USH2A: variants seen among roughly 807,000 people sequenced by gnomAD.
USH2A encodes Usher syndrome 2A (autosomal recessive, mild).
USH2A carries 443 observed loss-of-function variants against 538.9 expected under a neutral mutation model. The ratio of observed to expected loss-of-function variants is 0.82; its 90% CI spans 0.76 to 0.89. The LOEUF (loss-of-function observed/expected upper bound fraction) is 0.89, where lower values mean the gene tolerates loss of function less well. Among genes scored for constraint, USH2A ranks in the 40% least tolerant of loss-of-function variants. USH2A has a pLI of 0.00. For synonymous variants in USH2A, 2,413 were observed against 2,273.5 expected (o/e 1.06, Z -1.75); for missense variants, 6,633 against 6,324.8 (o/e 1.05, Z -1.65).
At chr1:215,782,637 TGG>T in intron 53 of USH2A, 99 bp downstream of exon 53, 1 of 1,210,152 alleles carries the variant, frequency 8.3e-7, no homozygotes, top group African/African-American at 1.5e-5. Flanking sequence ...ACTTTTCTAG[TGG>T]TTAGATGCAT....
At chr1:216,128,445 C>T (rs1270207946) in intron 21 of USH2A, among the ~76,000 whole-genome samples, 1 of 152,038 alleles carries the variant, frequency 6.6e-6, no homozygotes, top group African/African-American at 2.4e-5. Context: ...TGAGATTAAG[C>T]TTTCAAATTA....
chr1:215,674,948 T>C lies in USH2A; in HGVS notation c.12963A>G (p.Glu4321=). 1 of 1,614,176 alleles carries C rather than the reference T, an allele frequency of 6.2e-7. No homozygotes were observed. The highest frequency in any genetic ancestry group is 8.5e-7 in the Non-Finnish European group (1 of 1,180,024). ...FDPVTFNYTD[E]ELLPFSTYSY... is the part of the protein sequence containing the mutation. ...TATAGGTGGAAAAAGGAAGAAGCTCTTCATCAGTGTAATTGAAAGTCACAG... is the reference window on the plus strand; with the variant it reads ...TATAGGTGGAAAAAGGAAGAAGCTCCTCATCAGTGTAATTGAAAGTCACAG... The change falls in exon 63 of 72, where the codon GAA becomes GAG. Residue 4321 remains glutamate (E), a synonymous_variant. Coordinates refer to ENST00000307340, the MANE Select transcript of USH2A (RefSeq NM_206933.4).
At chr1:216,003,737 A>G (rs1182045676) in intron 32 of USH2A, among the ~76,000 whole-genome samples, 1 of 152,094 alleles carries the variant, frequency 6.6e-6, no homozygotes, top group Non-Finnish European at 1.5e-5. Flanking sequence ...CTTTGTAAGA[A>G]TTTTGGTTTT....
chr1:216,288,502 T>C (rs1384563404), intron 11 of USH2A, among the ~76,000 whole-genome samples: 1 of 152,182 alleles, frequency 6.6e-6, no homozygotes, highest in Non-Finnish European at 1.5e-5. Context: ...GTTCACAATA[T>C]AACTTTTTAA....
chr1:216,097,965 C>T (rs1395551800), intron 21 of USH2A, among the ~76,000 whole-genome samples: 1 of 151,540 alleles, frequency 6.6e-6, no homozygotes, highest in Non-Finnish European at 1.5e-5. Flanking sequence ...TGCCTCCCCC[C>T]TACCTTTACA....
intron 3 of USH2A, among the ~76,000 whole-genome samples, chr1:216,392,056 A>G (rs1193145655): frequency 6.6e-6 from 1 of 152,194 alleles, no homozygotes. Flanking sequence ...ATAGACCTAA[A>G]TGGGTAGATT....
intron 18 of USH2A, among the ~76,000 whole-genome samples, chr1:216,197,186 A>G (rs2034869286): frequency 1.3e-5 from 2 of 152,154 alleles, no homozygotes; most frequent in South Asian, 4.1e-4. Flanking sequence ...GTAAACCTAA[A>G]GCATTCTAAA....
chr1:215,748,537 G>A (rs559443682), intron 58 of USH2A, among the ~76,000 whole-genome samples: 1 of 152,300 alleles, frequency 6.6e-6, no homozygotes, highest in Non-Finnish European at 1.5e-5. Context: ...TTCAGGCTCT[G>A]TTTTCAGACC....
intron 61 of USH2A, among the ~76,000 whole-genome samples, chr1:215,725,198 C>A (rs1413287707): frequency 2.6e-5 from 4 of 152,136 alleles, no homozygotes; most frequent in African/African-American, 9.7e-5. Flanking sequence ...TTAGTACAGA[C>A]AAGGTTTCAC....
chr1:215,721,110 T>C (rs1659643954), intron 61 of USH2A, among the ~76,000 whole-genome samples: 1 of 152,104 alleles, frequency 6.6e-6, no homozygotes. Context: ...GTTCTTGCCC[T>C]GTCACCCAGG....
intron 11 of USH2A, among the ~76,000 whole-genome samples, chr1:216,285,307 T>C (rs6703213): frequency 0.67 from 101,613 of 152,110 alleles, 35,970 homozygotes; most frequent in Non-Finnish European, 0.77. Context: ...CTAAAAGGGA[T>C]CAACATACAG....
intron 4 of USH2A, among the ~76,000 whole-genome samples, chr1:216,353,929 G>A (rs921355163): frequency 2.6e-5 from 4 of 152,120 alleles, no homozygotes; most frequent in Non-Finnish European, 4.4e-5. Context: ...TACTGGACAT[G>A]TAACTCATTG....
At chr1:216,038,488 A>AC (rs112900849) in intron 32 of USH2A, among the ~76,000 whole-genome samples, 156 of 151,456 alleles carry the variant, frequency 1.0e-3, no homozygotes, top group African/African-American at 3.0e-3. Flanking sequence ...CTTTTTGAAG[A>AC]CCCCCCCTCC....
intron 21 of USH2A, among the ~76,000 whole-genome samples, chr1:216,136,414 G>A (rs1246978141): frequency 1.3e-5 from 2 of 152,108 alleles, no homozygotes; most frequent in Admixed American, 6.6e-5. Context: ...GCACCATGCT[G>A]TGTTTGCAAA....
At chr1:216,233,820 C>T (rs1051073250) in intron 13 of USH2A, among the ~76,000 whole-genome samples, 1 of 152,088 alleles carries the variant, frequency 6.6e-6, no homozygotes, top group African/African-American at 2.4e-5. Context: ...GAATGTGGAG[C>T]AGGCATATGA....
In USH2A at chr1:215,845,841, G is replaced by C. The variant is rs1479756162; in HGVS notation, c.9038C>G (p.Ala3013Gly). 1.2e-6 allele frequency: 2 copies of C among 1,613,746 alleles called. No homozygotes were observed. The highest frequency in any genetic ancestry group is 2.2e-5 in the South Asian group (2 of 91,084). ...VHSINSAGLH[A>G]TTCDGEPQGM... is the part of the protein sequence containing the mutation. Reference sequence around the variant, plus strand: ...GGACTCACCCCCATCGCAAGTGGTTGCATGAAGTCCTGCACTGTTGATGCT... The same window carrying C: ...GGACTCACCCCCATCGCAAGTGGTTCCATGAAGTCCTGCACTGTTGATGCT... The change falls in exon 45 of 72, where the codon GCA (alanine) becomes GGA (glycine). Residue 3013 changes from alanine (A) to glycine (G), a missense_variant. Transcript: ENST00000307340.
At chr1:215,865,297 C>G (rs887024545) in intron 44 of USH2A, among the ~76,000 whole-genome samples, 8 of 152,272 alleles carry the variant, frequency 5.3e-5, no homozygotes, top group African/African-American at 1.9e-4. Context: ...ATGGAAATAA[C>G]AGCAGATTGC....
chr1:215,818,286 C>A (rs775195553), intron 47 of USH2A, among the ~76,000 whole-genome samples: 15 of 151,734 alleles, frequency 9.9e-5, no homozygotes, highest in Non-Finnish European at 1.8e-4. Context: ...ACTTAAGTCT[C>A]TTTTGTCAGG....
At chr1:215,959,317 G>A (rs1212496556) in intron 37 of USH2A, among the ~76,000 whole-genome samples, 1 of 151,672 alleles carries the variant, frequency 6.6e-6, no homozygotes, top group Non-Finnish European at 1.5e-5. Context: ...AGGACCATCA[G>A]GTCTTATAAG....
Sources: gnomAD v4.1 joint callset for allele counts (sites outside exome capture counted in the v4.1 genomes callset) on GRCh38, gnomAD v4.1.1 for gene constraint, MANE v1.5 for transcripts, NCBI Gene and HGNC (gene_info 2026-07-23, HGNC 2026-07-21) for gene names.